Variants in LILRA2 observed in about 807,000 individuals in gnomAD.
LILRA2 encodes leukocyte immunoglobulin-like receptor subfamily A member 2.
In LILRA2, 45 loss-of-function variants were observed where a neutral mutation model predicts 47.9. The observed-to-expected ratio is 0.94, with a 90% CI of 0.74 to 1.20. LILRA2 has a LOEUF of 1.20. LILRA2 is among the 50% of genes most tolerant of loss of function. The pLI is 0.00. For missense variants in LILRA2, 651 were observed against 598.2 expected, an observed-to-expected ratio of 1.09 and a Z score of -0.92; for synonymous variants, 279 against 249.2, an observed-to-expected ratio of 1.12 and a Z score of -1.13.
At chr19:54,585,007 T>G (rs531185631) in intron 6 of LILRA2, among the ~76,000 whole-genome samples, 109 of 152,332 alleles carry the variant, frequency 7.2e-4, no homozygotes, top group Non-Finnish European at 1.2e-3. Context: ...TTCTGTTTGT[T>G]AGTTTTCCTT....
chr19:54,577,532 G>A (rs1445362118), intron 6 of LILRA2: 1 of 1,289,790 alleles, frequency 7.8e-7, no homozygotes, highest in Non-Finnish European at 1.0e-6. Flanking sequence ...CAAGAGAGGA[G>A]GCTGCTTGGG....
chr19:54,576,567 A>G (rs1296452488), intron 6 of LILRA2, among the ~76,000 whole-genome samples: 1 of 148,154 alleles, frequency 6.7e-6, no homozygotes, highest in East Asian at 1.9e-4. Context: ...AGCAGCGGGG[A>G]GGGTGGACAG....
intron 6 of LILRA2, among the ~76,000 whole-genome samples, chr19:54,583,390 A>G (rs865987744): frequency 9.9e-5 from 15 of 152,268 alleles, no homozygotes; most frequent in African/African-American, 3.6e-4. Flanking sequence ...GTCTCCTATT[A>G]TTATTGTGTG....
chr19:54,574,801 C>T lies in LILRA2; in HGVS notation c.423C>T (p.Leu141=), dbSNP rs868441331. The change falls in exon 4 of 8, where the codon CTC becomes CTT. Residue 141 remains leucine, a synonymous_variant. Transcript: ENST00000391738. ...TGACCTCAGGAGGGAACGTGACCCTCCAGTGTGTCTCACAGGTGGCATTTG... is the reference window on the plus strand; with the variant it reads ...TGACCTCAGGAGGGAACGTGACCCTTCAGTGTGTCTCACAGGTGGCATTTG... ...PVVTSGGNVT[L]QCVSQVAFDG... 2 of 1,614,290 alleles carry T rather than the reference C, an allele frequency of 1.2e-6. No homozygotes were observed. The highest frequency in any genetic ancestry group is 1.1e-5 in the South Asian group (1 of 91,090).
intron 6 of LILRA2, among the ~76,000 whole-genome samples, chr19:54,585,403 G>A (rs1015591822): frequency 1.3e-5 from 2 of 152,224 alleles, no homozygotes; most frequent in African/African-American, 4.8e-5. Context: ...GGAATCTGTA[G>A]AGGCAGTAGG....
chr19:54,578,317 C>T (rs1358033975), intron 6 of LILRA2, among the ~76,000 whole-genome samples: 1 of 151,790 alleles, frequency 6.6e-6, no homozygotes, highest in Non-Finnish European at 1.5e-5. Context: ...TGTGATGTTC[C>T]CCGCCCTGTG....
rs1319143927 is a variant in LILRA2, at chr19:54,574,056, C to T, written c.35-20C>T. ...CCCAGGCTTCAGGGGAAAAATCCCT[C>T]ACAGGGAACTCTCTTCCAGGGCTGA... On this transcript the variant is annotated intron_variant, in intron 1 of 7. Coordinates refer to ENST00000391738, the MANE Select transcript of LILRA2 (RefSeq NM_001130917.3). 6.2e-7 allele frequency: 1 copy of T among 1,613,020 alleles called. No individual in the cohort carries two copies. The highest frequency in any genetic ancestry group is 1.1e-5 in the South Asian group (1 of 91,034).
chr19:54,589,193 A>C lies in LILRA2; in HGVS notation c.*1847A>C, dbSNP rs762626612. On this transcript the variant is annotated 3_prime_UTR_variant, in exon 8 of 8. Coordinates refer to ENST00000391738, the MANE Select transcript of LILRA2 (RefSeq NM_001130917.3). ...CCTAATTCGTTATGATCCCTTGATC[A>C]TAACTTAAATGCATTTGCAAAGACT... 1 of 148,900 alleles carries C rather than the reference A, an allele frequency of 6.7e-6. No homozygotes were observed. The highest frequency in any genetic ancestry group is 1.5e-5 in the Non-Finnish European group (1 of 66,766). 9.2% of individuals were successfully genotyped at this position (148,900 alleles called of 1,614,324 possible). A position where few individuals can be genotyped will look rare whatever the true frequency, so the allele number is the denominator to read the frequency against.
chr19:54,575,203 T>A (rs888213778), intron 4 of LILRA2, 53 bp from the exon 5 acceptor site: 48 of 1,563,972 alleles, frequency 3.1e-5, no homozygotes, highest in Admixed American at 9.0e-5. Flanking sequence ...GAGGGAGGGT[T>A]TGTGGGGAAG....
In LILRA2 at chr19:54,574,596, C is replaced by G. The variant is rs1265757670; in HGVS notation, c.352+14C>G. 5 of 1,613,196 alleles carry G rather than the reference C, an allele frequency of 3.1e-6. No homozygotes were observed. Among genetic ancestry groups the G allele is most frequent in the Admixed American group, 1.7e-5 (1 of 60,012 alleles). ...TGGTGGTGACAGGTGAGAGGACACT[C>G]AGGAGTCCCAGCCCCAGGCTCTGCC... On this transcript the variant is annotated intron_variant, in intron 3 of 7. Coordinates refer to ENST00000391738, the MANE Select transcript of LILRA2 (RefSeq NM_001130917.3).
chr19:54,576,225 AG>A, intron 6 of LILRA2, 116 bp downstream of exon 6: 3 of 1,423,128 alleles, frequency 2.1e-6, no homozygotes, highest in Non-Finnish European at 2.9e-6. Flanking sequence ...TCCACAGGGG[AG>A]GGTCCAGCCC....
At chr19:54,586,175 G>A (rs2062800630) in intron 6 of LILRA2, among the ~76,000 whole-genome samples, 1 of 151,428 alleles carries the variant, frequency 6.6e-6, no homozygotes, top group Non-Finnish European at 1.5e-5. Flanking sequence ...ATATACACAG[G>A]TTCTATACAT....
At chr19:54,582,341 G>T (rs1461170866) in intron 6 of LILRA2, among the ~76,000 whole-genome samples, 1 of 152,210 alleles carries the variant, frequency 6.6e-6, no homozygotes, top group Non-Finnish European at 1.5e-5. Flanking sequence ...AGTAGTTTCA[G>T]AGAGAGTGGT....
chr19:54,585,825 A>C (rs1013870864), intron 6 of LILRA2, among the ~76,000 whole-genome samples: 2 of 152,180 alleles, frequency 1.3e-5, no homozygotes, highest in Admixed American at 6.5e-5. Context: ...TCCCAATGAG[A>C]TAAACCAGGT....
In LILRA2 at chr19:54,587,686, G is replaced by A. The variant is rs1273660096; in HGVS notation, c.*340G>A. The A allele has an allele frequency of 1.2e-5, 4 of 329,150 alleles. No homozygotes were observed. The highest frequency in any genetic ancestry group is 1.1e-5 in the Non-Finnish European group (2 of 175,730). 20.4% of individuals were successfully genotyped at this position (329,150 alleles called of 1,614,324 possible). On this transcript the variant is annotated 3_prime_UTR_variant, in exon 8 of 8. Transcript: ENST00000391738. Reference sequence around the variant, plus strand: ...GCTCTGGTCCACGGCATGTGACACAGTCTTCCTTATTCCTCATTGTCACAC... The same window carrying A: ...GCTCTGGTCCACGGCATGTGACACAATCTTCCTTATTCCTCATTGTCACAC...
Position 54,587,378 on chromosome 19 carries a change from G to A in LILRA2, c.*32G>A, listed in dbSNP as rs1446471194. On this transcript the variant is annotated 3_prime_UTR_variant, in exon 8 of 8. Transcript: ENST00000391738. ...GAGAGGACAATGCATCCTTCAGCGT[G>A]GTGGAGCCTCAGGGACAGATCTGAT... The A allele has an allele frequency of 6.2e-7, 1 of 1,613,872 alleles. No individual in the cohort carries two copies. Among genetic ancestry groups the A allele is most frequent in the African/African-American group, 1.3e-5 (1 of 75,032 alleles).
upstream of LILRA2, chr19:54,573,780 A>C: frequency 6.2e-7 from 1 of 1,601,504 alleles, no homozygotes; most frequent in Non-Finnish European, 8.5e-7. Context: ...CATGACAAGA[A>C]GGATCCAGCC....
chr19:54,576,715 A>C (rs1403263089), intron 6 of LILRA2, among the ~76,000 whole-genome samples: 1 of 152,288 alleles, frequency 6.6e-6, no homozygotes, highest in Non-Finnish European at 1.5e-5. Flanking sequence ...CTCCCTGAGC[A>C]GGATTCCCAG....
rs138167432 is a variant in LILRA2 at position 54,579,845 on chromosome 19, C to G, written c.1255+3736C>G. 6.3e-3 allele frequency among the ~76,000 whole-genome samples: 953 copies of G among 152,100 alleles called. 9 individuals carry two copies. The highest frequency in any genetic ancestry group is 0.022 in the African/African-American group (906 of 41,472). Reference sequence around the variant, plus strand: ...TTCACATCCTTTGTTAGTTGGATTCCTAGGTATTTTATTCTCTTTGTAGTA... The same window carrying G: ...TTCACATCCTTTGTTAGTTGGATTCGTAGGTATTTTATTCTCTTTGTAGTA... On this transcript the variant is annotated intron_variant, in intron 6 of 7. Coordinates refer to ENST00000391738, the MANE Select transcript of LILRA2 (RefSeq NM_001130917.3).
Sources: gnomAD v4.1 joint callset for allele counts (sites outside exome capture counted in the v4.1 genomes callset) on GRCh38, gnomAD v4.1.1 for gene constraint, MANE v1.5 for transcripts, NCBI Gene and HGNC (gene_info 2026-07-23, HGNC 2026-07-21) for gene names.